The following ECT2L variants were observed in gnomAD, a reference collection of about 807,000 sequenced individuals.
The protein encoded by ECT2L is epithelial cell-transforming sequence 2 oncogene-like.
ECT2L carries 126 observed loss-of-function variants against 122.8 expected under a neutral mutation model. The observed-to-expected ratio is 1.03, with a 90% CI of 0.89 to 1.19. The LOEUF is 1.19. ECT2L is among the 50% of genes most tolerant of loss of function. The pLI, the probability that ECT2L is intolerant of heterozygous loss-of-function variation, is 0.00. For synonymous variants in ECT2L, 385 were observed against 381.8 expected, an observed-to-expected ratio of 1.01 and a Z score of -0.10; for missense variants, 1,012 against 1,064.1, an observed-to-expected ratio of 0.95 and a Z score of 0.68.
intron 4 of ECT2L, among the ~76,000 whole-genome samples, chr6:138,829,367 G>C (rs1776572959): frequency 1.3e-5 from 2 of 152,042 alleles, no homozygotes. Flanking sequence ...TTAGTACACA[G>C]AACTAAAAAT....
intron 18 of ECT2L, 21 bp from the exon 19 acceptor site, chr6:138,886,836 A>G (rs755864476): frequency 5.0e-6 from 8 of 1,599,612 alleles, no homozygotes; most frequent in Non-Finnish European, 6.8e-6. Context: ...AGTTTGCCTA[A>G]AAGTACTTTT....
intron 13 of ECT2L, among the ~76,000 whole-genome samples, chr6:138,875,438 T>TGCC (rs1483157474): frequency 2.6e-5 from 4 of 152,280 alleles, no homozygotes; most frequent in Admixed American, 2.6e-4. Flanking sequence ...ATCCAAGGGT[T>TGCC]GCCATTGGTA....
At chr6:138,887,219 C>CT (rs576902428) in intron 19 of ECT2L, among the ~76,000 whole-genome samples, 216 of 104,592 alleles carry the variant, frequency 2.1e-3, no homozygotes, top group African/African-American at 6.9e-3. Context: ...TACTTGTTTT[C>CT]TTTTCTTTAA....
At position 138,846,581 on chromosome 6, in the gene ECT2L, GA is replaced by G; in HGVS notation, c.812del (p.Asn271IlefsTer22). On this transcript the variant is annotated frameshift_variant, in exon 8 of 22. Coordinates refer to ENST00000541398, the MANE Select transcript of ECT2L (RefSeq NM_001077706.3). LOFTEE classifies it high-confidence loss of function. The part of the protein sequence containing the change: ...GSHSYPLLSK[K>X]NWHGVHKNDD... ...GCCATTCCTACCCTTTATTATCAAA[GA>G]AAAATTGGCATGGAGTTCATAAAAA... 1 of 1,608,844 alleles carries G rather than the reference GA, an allele frequency of 6.2e-7. No individual in the cohort carries two copies. Among genetic ancestry groups the G allele is most frequent in the Non-Finnish European group, 8.5e-7 (1 of 1,178,524 alleles).
chr6:138,862,371 G>C (rs1777864980), intron 10 of ECT2L, among the ~76,000 whole-genome samples: 2 of 152,100 alleles, frequency 1.3e-5, no homozygotes, highest in South Asian at 4.1e-4. Flanking sequence ...AGGAACAAGA[G>C]AGAGGGAGGA....
chr6:138,846,710 A>AT, intron 8 of ECT2L, 33 bp downstream of exon 8: 2 of 1,427,444 alleles, frequency 1.4e-6, no homozygotes, highest in South Asian at 3.5e-5. Flanking sequence ...TCCTGTCCTG[A>AT]TTGTTTTTTT....
intron 20 of ECT2L, among the ~76,000 whole-genome samples, 159 bp downstream of exon 20, chr6:138,889,190 A>G (rs1778933073): frequency 6.6e-6 from 1 of 152,204 alleles, no homozygotes; most frequent in South Asian, 2.1e-4. Flanking sequence ...TCCCTCTGAG[A>G]TAGTGTAGGG....
At chr6:138,843,526 A>G (rs555430242) in intron 6 of ECT2L, among the ~76,000 whole-genome samples, 1 of 152,208 alleles carries the variant, frequency 6.6e-6, no homozygotes, top group Non-Finnish European at 1.5e-5. Flanking sequence ...AACATGGGGA[A>G]AAAAGCAAAC....
chr6:138,900,898 A>C (rs745989201), intron 20 of ECT2L, 50 bp from the exon 21 acceptor site: 5 of 1,559,824 alleles, frequency 3.2e-6, no homozygotes, highest in Non-Finnish European at 1.7e-6. Context: ...ACTATGTAAC[A>C]AAGCATGTAT....
intron 20 of ECT2L, among the ~76,000 whole-genome samples, chr6:138,897,994 T>C (rs1283259690): frequency 6.6e-6 from 1 of 152,174 alleles, no homozygotes; most frequent in African/African-American, 2.4e-5. Flanking sequence ...AGCAGTTTTA[T>C]TACAGATTTA....
In ECT2L at chr6:138,823,078, T is replaced by C. The variant is rs1169583471; in HGVS notation, c.179+8475T>C. Reference sequence around the variant, plus strand: ...CATGGGTGGGTTTTAGGGAAAATAATGTGCAAAATAACTTCAGCCTTGTAC... The same window carrying C: ...CATGGGTGGGTTTTAGGGAAAATAACGTGCAAAATAACTTCAGCCTTGTAC... On this transcript the variant is annotated intron_variant, in intron 4 of 21. Coordinates refer to ENST00000541398, the MANE Select transcript of ECT2L (RefSeq NM_001077706.3). The C allele has an allele frequency of 1.8e-5, 28 of 1,589,498 alleles. 1 individual carries two copies. The highest frequency in any genetic ancestry group is 2.7e-5 in the African/African-American group (2 of 72,736).
At chr6:138,797,180 GGCATGTAGTTTT>G (rs1336317452) in intron 1 of ECT2L, among the ~76,000 whole-genome samples, 17 of 151,840 alleles carry the variant, frequency 1.1e-4, no homozygotes. Context: ...ATTATATACT[GGCATGTAGTTTT>G]ACATGCCCTA....
In ECT2L at chr6:138,886,898, A is replaced by G; in HGVS notation, c.2301A>G (p.Ile767Met). ...CTATGAAGGATCATCTGTCAGATAT[A>G]CAGAGAATCATCTGGGGATGCCCTG... Reference protein sequence around the residue: ...NITMKDHLSDIQRIIWGCPTL... With the variant: ...NITMKDHLSDMQRIIWGCPTL... The change falls in exon 19 of 22, where the codon ATA becomes ATG. Residue 767 changes from isoleucine to methionine, a missense_variant. By Grantham distance (10) the Ile-to-Met change is conservative. Transcript: ENST00000541398. 6.2e-7 allele frequency: 1 copy of G among 1,613,570 alleles called. No homozygotes were observed. The highest frequency in any genetic ancestry group is 1.1e-5 in the South Asian group (1 of 90,956).
rs1272215267 is a variant in ECT2L at position 138,813,264 on chromosome 6, G to A, written c.-11G>A. ...ACGTCAGCTGGGGATTCTTCCTGGAGAACTCCAGAAATGGAGAGCTTCCAC... is the reference window on the plus strand; with the variant it reads ...ACGTCAGCTGGGGATTCTTCCTGGAAAACTCCAGAAATGGAGAGCTTCCAC... On this transcript the variant is annotated 5_prime_UTR_variant, in exon 3 of 22. Transcript: ENST00000541398. 1 of 1,605,184 alleles carries A rather than the reference G, an allele frequency of 6.2e-7. No homozygotes were observed. Among genetic ancestry groups the A allele is most frequent in the Non-Finnish European group, 8.5e-7 (1 of 1,177,856 alleles).
chr6:138,810,732 C>T (rs553298267), intron 1 of ECT2L, among the ~76,000 whole-genome samples: 5 of 152,232 alleles, frequency 3.3e-5, no homozygotes, highest in African/African-American at 1.2e-4. Flanking sequence ...TGCAGTTATC[C>T]TTTCCTTGTT....
intron 1 of ECT2L, among the ~76,000 whole-genome samples, chr6:138,806,511 CTTTTTTTT>C (rs57786220): frequency 1.1e-5 from 1 of 89,676 alleles, no homozygotes; most frequent in African/African-American, 4.7e-5. Context: ...AAAATTCACG[CTTTTTTTT>C]TTTTTTTTTT....
chr6:138,861,716 A>G (rs1777839327), intron 10 of ECT2L, among the ~76,000 whole-genome samples: 2 of 152,136 alleles, frequency 1.3e-5, no homozygotes, highest in Non-Finnish European at 2.9e-5. Context: ...GCTGTGCAGA[A>G]GCTTTTTAGT....
At chr6:138,819,859 C>T (rs538812662) in intron 4 of ECT2L, among the ~76,000 whole-genome samples, 1 of 151,922 alleles carries the variant, frequency 6.6e-6, no homozygotes, top group African/African-American at 2.4e-5. Flanking sequence ...TGCACTCCAG[C>T]CTGGGCTACA....
intron 20 of ECT2L, among the ~76,000 whole-genome samples, chr6:138,895,015 T>C (rs1021596433): frequency 1.3e-5 from 2 of 152,122 alleles, no homozygotes; most frequent in African/African-American, 4.8e-5. Context: ...TCCCAGCACT[T>C]TGGGAAGCTG....
Sources: allele counts gnomAD v4.1 joint callset (sites outside exome capture counted in the v4.1 genomes callset), GRCh38; gene constraint gnomAD v4.1.1; transcripts MANE v1.5; gene names NCBI Gene and HGNC (gene_info 2026-07-23, HGNC 2026-07-21).